Variants in HDAC9 observed in about 807,000 individuals in gnomAD.
HDAC9 encodes MEF-2 interacting transcription repressor (MITR) protein.
A neutral mutation model predicts 139.4 loss-of-function variants in HDAC9; 41 were observed. The observed-to-expected ratio is 0.29, with a 90% CI of 0.23 to 0.38. The LOEUF is 0.38. Ranked by LOEUF, HDAC9 falls within the 10% of genes least tolerant of loss-of-function variation. The pLI is 1.00. For missense variants in HDAC9, 1,147 were observed against 1,297.0 expected (o/e 0.88, Z 1.78); for synonymous variants, 517 against 476.2 (o/e 1.09, Z -1.12).
At position 18,682,756 on chromosome 7, in the gene HDAC9, G is replaced by A. The variant is rs142658609; in HGVS notation, c.1731+16280G>A. 4.0e-3 allele frequency among the ~76,000 whole-genome samples: 601 copies of A among 152,100 alleles called. 3 individuals are homozygous for A. The highest frequency in any genetic ancestry group is 0.02 in the Middle Eastern group (6 of 294). On this transcript the variant is annotated intron_variant, in intron 12 of 25. Coordinates refer to ENST00000686413, the MANE Select transcript of HDAC9 (RefSeq NM_178425.4). ...AAAATTTTCTGGGAGGTGGAGGTGGGTGGATCATTTGAGGTCAGGAGTTCG... is the reference window on the plus strand; with the variant it reads ...AAAATTTTCTGGGAGGTGGAGGTGGATGGATCATTTGAGGTCAGGAGTTCG...
chr7:18,835,549 A>G lies in HDAC9; in HGVS notation c.2549A>G (p.Glu850Gly). Reference sequence around the variant, plus strand: ...TACATTTCACTCCATCGCTATGATGAAGGGAACTTTTTCCCTGGCAGTGGA... The same window carrying G: ...TACATTTCACTCCATCGCTATGATGGAGGGAACTTTTTCCCTGGCAGTGGA... ...ILYISLHRYD[E>G]GNFFPGSGAP... The change falls in exon 20 of 26, where the codon GAA (glutamate) becomes GGA (glycine). Residue 850 changes from glutamate (E) to glycine (G), a missense_variant. Glu to Gly is a moderately conservative substitution (Grantham distance 98, BLOSUM62 -2). This residue lies in a region of HDAC9 where 407 missense variants were observed against 521.5 expected (regional missense o/e 0.78). Transcript: ENST00000686413. The G allele has an allele frequency of 6.2e-7, 1 of 1,613,778 alleles. No homozygotes were observed. The highest frequency in any genetic ancestry group is 8.5e-7 in the Non-Finnish European group (1 of 1,179,714).
intron 2 of HDAC9, among the ~76,000 whole-genome samples, chr7:18,516,771 G>A (rs1803332365): frequency 6.8e-6 from 1 of 147,736 alleles, no homozygotes; most frequent in African/African-American, 2.5e-5. Context: ...TGAGGCAGGA[G>A]AATCACTTGA....
intron 16 of HDAC9, among the ~76,000 whole-genome samples, chr7:18,781,911 AC>A (rs1207945188): frequency 6.6e-6 from 1 of 152,130 alleles, no homozygotes; most frequent in Non-Finnish European, 1.5e-5. Context: ...TTTAAAAAAT[AC>A]ACTTTACCTG....
intron 11 of HDAC9, among the ~76,000 whole-genome samples, chr7:18,650,745 GT>G (rs1788972998): frequency 6.6e-6 from 1 of 152,148 alleles, no homozygotes. Flanking sequence ...TTAGGTACAT[GT>G]TTGTACAGTG....
At chr7:18,487,279 C>T (rs1301378982) in intron 1 of HDAC9, among the ~76,000 whole-genome samples, 1 of 151,808 alleles carries the variant, frequency 6.6e-6, no homozygotes, top group African/African-American at 2.4e-5. Flanking sequence ...CAAAGAAGGA[C>T]ATTATATACT....
intron 6 of HDAC9, among the ~76,000 whole-genome samples, chr7:18,605,561 T>G (rs747729317): frequency 6.6e-6 from 1 of 152,222 alleles, no homozygotes; most frequent in Admixed American, 6.5e-5. Context: ...ACTCCCTACC[T>G]TCACTTAAAC....
intron 2 of HDAC9, among the ~76,000 whole-genome samples, chr7:18,556,524 G>A (rs530330326): frequency 2.1e-4 from 32 of 151,942 alleles, no homozygotes; most frequent in Non-Finnish European, 2.8e-4. Flanking sequence ...AATTCAAAGC[G>A]TCTTTACTAT....
chr7:18,720,337 A>C (rs1233816891), intron 12 of HDAC9, among the ~76,000 whole-genome samples: 1 of 151,522 alleles, frequency 6.6e-6, no homozygotes, highest in Non-Finnish European at 1.5e-5. Flanking sequence ...TTATAATTAC[A>C]TTTAATTTTA....
At chr7:18,271,651 T>A (rs557620324) in intron 2 of HDAC9, among the ~76,000 whole-genome samples, 175 of 152,298 alleles carry the variant, frequency 1.1e-3, no homozygotes, top group Non-Finnish European at 1.2e-3. Context: ...TTATTAAGCC[T>A]TAGTTTGAAA....
chr7:18,732,487 ATG>A (rs1473970151), intron 13 of HDAC9, among the ~76,000 whole-genome samples: 4 of 151,188 alleles, frequency 2.6e-5, no homozygotes, highest in South Asian at 2.1e-4. Flanking sequence ...CAGTGTATAT[ATG>A]TGTATATATG....
intron 16 of HDAC9, among the ~76,000 whole-genome samples, chr7:18,779,923 T>C (rs1032268149): frequency 6.6e-6 from 1 of 151,998 alleles, no homozygotes; most frequent in Non-Finnish European, 1.5e-5. Flanking sequence ...AGGGAGGACA[T>C]TGCTTTCAGA....
In HDAC9 at chr7:18,585,491, A is replaced by G. The variant is rs1829190421; in HGVS notation, c.233A>G (p.Gln78Arg). 16 of 1,613,778 alleles carry G rather than the reference A, an allele frequency of 9.9e-6. No homozygotes were observed. The highest frequency in any genetic ancestry group is 1.4e-5 in the Non-Finnish European group (16 of 1,179,800). The change falls in exon 3 of 26, where the codon CAG (glutamine) becomes CGG (arginine). Residue 78 changes from glutamine to arginine, a missense_variant. Coordinates refer to ENST00000686413, the MANE Select transcript of HDAC9 (RefSeq NM_178425.4). ...AAACAGCATGAGAACTTGACACGGC[A>G]GCACCAGGCTCAGCTTCAGGAGCAT... ...FQKQHENLTRQHQAQLQEHIK... is the reference protein window; with the variant it reads ...FQKQHENLTRRHQAQLQEHIK...
intron 2 of HDAC9, among the ~76,000 whole-genome samples, chr7:18,524,863 T>TACACACACACAC (rs57123600): frequency 1.6e-4 from 21 of 127,740 alleles, no homozygotes; most frequent in African/African-American, 5.2e-4. Flanking sequence ...CTTAGTGACA[T>TACACACACACAC]ACACACACAC....
At chr7:18,385,605 A>G (rs1354149547) in intron 1 of HDAC9, among the ~76,000 whole-genome samples, 1 of 152,154 alleles carries the variant, frequency 6.6e-6, no homozygotes, top group African/African-American at 2.4e-5. Context: ...ACAATTTTCA[A>G]ATTGACTAAA....
chr7:18,371,999 T>C (rs942622323), intron 1 of HDAC9, among the ~76,000 whole-genome samples: 4 of 152,176 alleles, frequency 2.6e-5, no homozygotes, highest in Non-Finnish European at 5.9e-5. Context: ...TGGATTAAAA[T>C]TGAATAGTAA....
chr7:18,996,141 T>G lies in HDAC9; in HGVS notation c.*79T>G. On this transcript the variant is annotated 3_prime_UTR_variant, in exon 26 of 26. Transcript: ENST00000686413. ...CCACCCCAGTACCCTCAGACATGTC[T>G]TGTCTGCTGCCTGGGTGGCACAGAT... 2.4e-5 allele frequency: 24 copies of G among 1,000,876 alleles called. No homozygotes were observed. The highest frequency in any genetic ancestry group is 3.4e-5 in the Non-Finnish European group (22 of 652,922). 62.0% of individuals were successfully genotyped at this position (1,000,876 alleles called of 1,614,324 possible). A position where few individuals can be genotyped will look rare whatever the true frequency, so the allele number is the denominator to read the frequency against.
At chr7:18,138,527 G>GGTGTGTGTGTGTGT (rs71014309) in intron 1 of HDAC9, among the ~76,000 whole-genome samples, 18 of 142,668 alleles carry the variant, frequency 1.3e-4, no homozygotes, top group South Asian at 2.2e-4. Flanking sequence ...GAGAGAGAGA[G>GGTGTGTGTGTGTGT]GTGTGTGTGT....
At chr7:18,789,138 T>C (rs1202496265) in intron 16 of HDAC9, among the ~76,000 whole-genome samples, 1 of 152,130 alleles carries the variant, frequency 6.6e-6, no homozygotes, top group Admixed American at 6.5e-5. Context: ...GAAAATATCA[T>C]CTCTCACCAC....
chr7:18,604,050 T>G (rs182063682), intron 6 of HDAC9, among the ~76,000 whole-genome samples: 1 of 152,102 alleles, frequency 6.6e-6, no homozygotes, highest in African/African-American at 2.4e-5. Context: ...GAAGATCTCT[T>G]TATCTTTTAT....
Sources: gnomAD v4.1 joint callset for allele counts (sites outside exome capture counted in the v4.1 genomes callset) on GRCh38, gnomAD v4.1.1 for gene constraint, gnomAD v4.1.1 regional missense constraint, MANE v1.5 for transcripts, NCBI Gene and HGNC (gene_info 2026-07-23, HGNC 2026-07-21) for gene names.